SLC6A15: variants seen among roughly 807,000 people sequenced by gnomAD.
SLC6A15 encodes sodium-dependent neutral amino acid transporter B(0)AT2.
Under a neutral mutation model 68.5 loss-of-function variants are expected in SLC6A15, and 33 were observed. That is an observed-to-expected ratio of 0.48 (90% CI 0.37 to 0.64). The LOEUF is 0.64. SLC6A15 is among the 30% of genes least tolerant of loss of function. The pLI is 0.00. For missense variants in SLC6A15, 747 were observed against 874.3 expected (o/e 0.85, Z 1.84); for synonymous variants, 347 against 301.0 (o/e 1.15, Z -1.58).
At chr12:84,892,703 G>A (rs1159391719) in intron 1 of SLC6A15, among the ~76,000 whole-genome samples, 4 of 152,120 alleles carry the variant, frequency 2.6e-5, no homozygotes, top group Non-Finnish European at 5.9e-5. Flanking sequence ...AACCAACGCT[G>A]TAAATTTGTC....
chr12:84,873,866 T>C (rs1871399278), intron 6 of SLC6A15, among the ~76,000 whole-genome samples: 1 of 152,220 alleles, frequency 6.6e-6, no homozygotes, highest in Non-Finnish European at 1.5e-5. Flanking sequence ...TAAAAGATTT[T>C]TCTTTGAAAA....
intron 1 of SLC6A15, among the ~76,000 whole-genome samples, chr12:84,909,577 C>T (rs542879757): frequency 6.6e-6 from 1 of 152,174 alleles, no homozygotes; most frequent in Non-Finnish European, 1.5e-5. Context: ...GTTGTTCATG[C>T]ATCCAACTAT....
intron 8 of SLC6A15, among the ~76,000 whole-genome samples, chr12:84,871,538 A>G (rs1871283316): frequency 6.6e-6 from 1 of 152,132 alleles, no homozygotes; most frequent in South Asian, 2.1e-4. Flanking sequence ...ACCTATAACC[A>G]AACTTCAAGT....
chr12:84,872,721 G>A lies in SLC6A15; in HGVS notation c.1183C>T (p.Leu395Phe). The A allele has an allele frequency of 6.2e-7, 1 of 1,613,050 alleles. No homozygotes were observed. The highest frequency in any genetic ancestry group is 8.5e-7 in the Non-Finnish European group (1 of 1,179,602). Residue 395 changes from leucine (L) to phenylalanine (F), a missense_variant, in exon 8 of 12, where the codon CTT becomes TTT. Physicochemically the swap from Leu to Phe is conservative, Grantham distance 22. Transcript: ENST00000266682. ...SQDIIPHHIN[L>F]STVTAEDYHL... ...TAATCTTCTGCAGTAACAGTTGAAAGGTTGATATGATGGGGAATAATATCC... is the reference window on the plus strand; with the variant it reads ...TAATCTTCTGCAGTAACAGTTGAAAAGTTGATATGATGGGGAATAATATCC...
chr12:84,859,686 G>A lies in SLC6A15; in HGVS notation c.*1946C>T, dbSNP rs1270494773. ...GGCAGGTTAAGTATTAAAGATTAGG[G>A]TACCATATAAAAATATTGCCTCAAC... On this transcript the variant is annotated 3_prime_UTR_variant, in exon 12 of 12. Transcript: ENST00000266682. 6.6e-6 allele frequency: 1 copy of A among 151,566 alleles called. No individual in the cohort carries two copies. The highest frequency in any genetic ancestry group is 1.5e-5 in the Non-Finnish European group (1 of 67,854). The allele number at this position is 151,566 out of a possible 1,614,324, so 9.4% of individuals were successfully genotyped here. A position where few individuals can be genotyped will look rare whatever the true frequency, so the allele number is the denominator to read the frequency against.
At position 84,885,445 on chromosome 12, in the gene SLC6A15, A is replaced by G. The variant is rs1872050824; in HGVS notation, c.564T>C (p.Ala188=). 6.2e-7 allele frequency: 1 copy of G among 1,612,998 alleles called. No individual in the cohort carries two copies. Among genetic ancestry groups the G allele is most frequent in the East Asian group, 2.2e-5 (1 of 44,762 alleles). Residue 188 remains alanine, a synonymous_variant, in exon 4 of 12, where the codon GCT becomes GCC. Coordinates refer to ENST00000266682, the MANE Select transcript of SLC6A15 (RefSeq NM_182767.6). The part of the protein sequence containing the change: ...PWDQCPLVKN[A]SHTFVEPECE... ...TTATACATATCTTACAAGTGTGTGA[A>G]GCATTTTTCACCAAAGGACACTGAT... is the stretch of plus-strand genomic sequence containing the variant.
intron 5 of SLC6A15, chr12:84,882,025 A>G (rs1871843032): frequency 2.0e-6 from 2 of 981,356 alleles, no homozygotes; most frequent in Middle Eastern, 5.2e-4. Flanking sequence ...TACATTTTCT[A>G]TATAAATTTA....
intron 1 of SLC6A15, among the ~76,000 whole-genome samples, chr12:84,904,580 A>G (rs1391197773): frequency 6.6e-6 from 1 of 152,208 alleles, no homozygotes; most frequent in East Asian, 1.9e-4. Context: ...GGCTAGATCT[A>G]TGTAGAGGAT....
At chr12:84,896,141 A>T (rs907719417) in intron 1 of SLC6A15, among the ~76,000 whole-genome samples, 3 of 152,182 alleles carry the variant, frequency 2.0e-5, no homozygotes. Context: ...GGAACAAGCT[A>T]TCACTCACTG....
intron 6 of SLC6A15, chr12:84,874,671 A>T (rs1322089179): frequency 1.3e-5 from 2 of 152,164 alleles, no homozygotes; most frequent in Non-Finnish European, 2.9e-5. Context: ...ACATATGCAC[A>T]TTGTTTACTG....
At position 84,878,323 on chromosome 12, in the gene SLC6A15, C is replaced by T. The variant is rs79109433; in HGVS notation, c.757-1716G>A. 2.2e-4 allele frequency among the ~76,000 whole-genome samples: 34 copies of T among 152,108 alleles called. No individual in the cohort carries two copies. In the East Asian group the frequency reaches 4.3e-3, roughly 19 times the overall value. On this transcript the variant is annotated intron_variant, in intron 5 of 11. Coordinates refer to ENST00000266682, the MANE Select transcript of SLC6A15 (RefSeq NM_182767.6). ...TTTGATTTTTTAAAAAATCAGAATG[C>T]TTTCGGATGGATTTTTTCATTCTCC...
In SLC6A15 at chr12:84,861,522, C is replaced by T. The variant is rs577575355; in HGVS notation, c.*110G>A. On this transcript the variant is annotated 3_prime_UTR_variant, in exon 12 of 12. Transcript: ENST00000266682. ...CTGTTAGGATTAAAGATCACAGCCA[C>T]GGAACACCTGAGATTGCCCTCTGAT... 28 of 1,249,702 alleles carry T rather than the reference C, an allele frequency of 2.2e-5. No individual in the cohort carries two copies. The highest frequency in any genetic ancestry group is 1.8e-4 in the South Asian group (12 of 66,584). The allele number at this position is 1,249,702 out of a possible 1,614,324, so 77.4% of individuals were successfully genotyped here.
In SLC6A15 at chr12:84,884,092, G is replaced by T; in HGVS notation, c.575-52C>A. The T allele has an allele frequency of 3.4e-6, 5 of 1,467,344 alleles. No homozygotes were observed. In the South Asian group the frequency reaches 3.6e-5, roughly 11 times the overall value. 90.9% of individuals were successfully genotyped at this position (1,467,344 alleles called of 1,614,324 possible). On this transcript the variant is annotated intron_variant, in intron 4 of 11. Transcript: ENST00000266682. ...TATTTCAGAATATAAAGAGCAATGC[G>T]ACAATTTCTTTTCCAATAAACCTGT... is the stretch of plus-strand genomic sequence containing the variant.
rs1182409759 is a variant in SLC6A15 at position 84,860,713 on chromosome 12, TA to T, written c.*918del. On this transcript the variant is annotated 3_prime_UTR_variant, in exon 12 of 12. Coordinates refer to ENST00000266682, the MANE Select transcript of SLC6A15 (RefSeq NM_182767.6). ...ATGCATTACAATTTTAACAATCACT[TA>T]AAAATGATTTATATTTGCATAAAAC... 6.6e-6 allele frequency: 1 copy of T among 152,122 alleles called. No homozygotes were observed. The highest frequency in any genetic ancestry group is 1.5e-5 in the Non-Finnish European group (1 of 68,000). 9.4% of individuals were successfully genotyped at this position (152,122 alleles called of 1,614,324 possible). A position where few individuals can be genotyped will look rare whatever the true frequency, so the allele number is the denominator to read the frequency against.
At position 84,886,074 on chromosome 12, in the gene SLC6A15, GAAAC is replaced by G; in HGVS notation, c.290-10_290-7del. The G allele has an allele frequency of 6.4e-7, 1 of 1,557,382 alleles. No homozygotes were observed. Among genetic ancestry groups the G allele is most frequent in the Non-Finnish European group, 8.8e-7 (1 of 1,137,628 alleles). On this transcript the variant is annotated splice_region_variant and splice_polypyrimidine_tract_variant and intron_variant, in intron 2 of 11. Coordinates refer to ENST00000266682, the MANE Select transcript of SLC6A15 (RefSeq NM_182767.6). ...ATATGGTAAAAGATATGCACCTAAA[GAAAC>G]AACAACAAAAAATAGATTATATTTT... is the stretch of plus-strand genomic sequence containing the variant.
intron 6 of SLC6A15, among the ~76,000 whole-genome samples, chr12:84,875,619 T>C (rs1243169972): frequency 2.2e-5 from 3 of 138,240 alleles, no homozygotes; most frequent in Non-Finnish European, 4.6e-5. Context: ...CTGCCTATGA[T>C]AGTATTAGCA....
chr12:84,861,963 A>C lies in SLC6A15; in HGVS notation c.1862T>G (p.Val621Gly). 2.5e-6 allele frequency: 4 copies of C among 1,612,722 alleles called. No individual in the cohort carries two copies. Among genetic ancestry groups the C allele is most frequent in the Non-Finnish European group, 3.4e-6 (4 of 1,179,464 alleles). Residue 621 changes from valine to glycine, a missense_variant, in exon 12 of 12, where the codon GTT becomes GGT. Val to Gly is a moderately radical substitution (Grantham distance 109, BLOSUM62 -3). Coordinates refer to ENST00000266682, the MANE Select transcript of SLC6A15 (RefSeq NM_182767.6). ...TGCAAAGACAACCAGAGAGACACAA[A>C]CAACCAGTCCCCATGTTGGATAGCT... is the stretch of plus-strand genomic sequence containing the variant. ...FLSYPTWGLV[V>G]CVSLVVFAIL...
chr12:84,892,363 A>G, intron 1 of SLC6A15, 55 bp from the exon 2 acceptor site: 1 of 360,034 alleles, frequency 2.8e-6, no homozygotes, highest in South Asian at 7.8e-5. Context: ...AAATTTAAAT[A>G]CAGAATTATT....
rs759539858 is a variant in SLC6A15 at position 84,873,158 on chromosome 12, G to A, written c.1038C>T (p.Val346=). The change falls in exon 7 of 12, where the codon GTC becomes GTT. Residue 346 remains valine (V), a synonymous_variant. Transcript: ENST00000266682. ...CTGCAAACACCACCAATGTTGCCAGGACAGAAGTGAAAAAATTGATGAAGG... is the reference window on the plus strand; with the variant it reads ...CTGCAAACACCACCAATGTTGCCAGAACAGAAGTGAAAAAATTGATGAAGG... The part of the protein sequence containing the change: ...LVSFINFFTS[V]LATLVVFAVL... 38 of 1,613,888 alleles carry A rather than the reference G, an allele frequency of 2.4e-5. No homozygotes were observed. The South Asian group carries it at 4.2e-4, about 18-fold the overall frequency.
Sources: allele counts gnomAD v4.1 joint callset (sites outside exome capture counted in the v4.1 genomes callset), GRCh38; gene constraint gnomAD v4.1.1; transcripts MANE v1.5; gene names NCBI Gene and HGNC (gene_info 2026-07-23, HGNC 2026-07-21).